The following PRKG1 variants were observed in gnomAD, a reference collection of about 807,000 sequenced individuals.
PRKG1 encodes the protein cGMP-dependent protein kinase 1.
A neutral mutation model predicts 88.1 loss-of-function variants in PRKG1; 35 were observed. That is an observed-to-expected ratio of 0.40 (90% CI 0.30 to 0.53). The LOEUF (loss-of-function observed/expected upper bound fraction) is 0.53, where lower values mean the gene tolerates loss of function less well. PRKG1 is among the 20% of genes least tolerant of loss of function. The pLI is 0.59. For synonymous variants in PRKG1, 303 were observed against 292.5 expected, an observed-to-expected ratio of 1.04 and a Z score of -0.37; for missense variants, 540 against 839.8, an observed-to-expected ratio of 0.64 and a Z score of 4.41.
At chr10:51,941,097 A>G (rs1842897621) in intron 5 of PRKG1, among the ~76,000 whole-genome samples, 1 of 151,834 alleles carries the variant, frequency 6.6e-6, no homozygotes, top group Non-Finnish European at 1.5e-5. Context: ...TCCTAATTTG[A>G]GGAACAATAA....
chr10:52,211,913 T>C (rs1025472695), intron 9 of PRKG1, among the ~76,000 whole-genome samples: 4 of 152,232 alleles, frequency 2.6e-5, no homozygotes, highest in East Asian at 1.9e-4. Context: ...ATAAATCTTA[T>C]ATTTCTAAAG....
At chr10:51,038,924 C>T (rs980755554) in intron 1 of PRKG1, among the ~76,000 whole-genome samples, 1 of 152,098 alleles carries the variant, frequency 6.6e-6, no homozygotes, top group Non-Finnish European at 1.5e-5. Flanking sequence ...TTAAAGTTTG[C>T]ACAATATGTA....
intron 3 of PRKG1, among the ~76,000 whole-genome samples, chr10:51,666,719 C>T (rs1840430774): frequency 7.2e-5 from 11 of 152,150 alleles, no homozygotes; most frequent in Admixed American, 7.2e-4. Flanking sequence ...TTCATGGTTC[C>T]TTGGCTAAAT....
chr10:51,753,350 A>G (rs1384843484), intron 3 of PRKG1, among the ~76,000 whole-genome samples: 1 of 151,894 alleles, frequency 6.6e-6, no homozygotes, highest in African/African-American at 2.4e-5. Context: ...ATTACTGTTT[A>G]ATTGCTTTTT....
rs545568752 is a variant in PRKG1, at chr10:52,021,442, A to C, written c.763-33042A>C. Among the ~76,000 whole-genome samples the C allele has an allele frequency of 2.0e-5, 3 of 152,298 alleles. No individual in the cohort carries two copies. In the South Asian group the frequency reaches 6.2e-4, roughly 32 times the overall value. ...TATCTTTTGAATGAATAGGATAGTA[A>C]ATATGTAATCATTAAAGACAGTAAG... is the stretch of plus-strand genomic sequence containing the variant. On this transcript the variant is annotated intron_variant, in intron 5 of 17. Coordinates refer to ENST00000373980, the MANE Select transcript of PRKG1 (RefSeq NM_006258.4).
chr10:51,950,881 A>G (rs978454927), intron 5 of PRKG1, among the ~76,000 whole-genome samples: 1 of 152,352 alleles, frequency 6.6e-6, no homozygotes, highest in Non-Finnish European at 1.5e-5. Context: ...TGAGCAAGGC[A>G]GGGAGTTTTA....
chr10:52,032,827 A>G (rs1845504485), intron 5 of PRKG1, among the ~76,000 whole-genome samples: 1 of 152,096 alleles, frequency 6.6e-6, no homozygotes, highest in Admixed American at 6.6e-5. Flanking sequence ...TATCTTCATA[A>G]AGTAGGTAAC....
At position 51,752,661 on chromosome 10, in the gene PRKG1, G is replaced by A. The variant is rs76472851; in HGVS notation, c.593-51924G>A. Among the ~76,000 whole-genome samples, 871 of 152,128 alleles carry A rather than the reference G, an allele frequency of 5.7e-3. 15 individuals are homozygous for A. Among genetic ancestry groups the A allele is most frequent in the African/African-American group, 0.019 (806 of 41,506 alleles). On this transcript the variant is annotated intron_variant, in intron 3 of 17. Transcript: ENST00000373980. ...TAACCATACCAGGCCTGTTTTTGTC[G>A]TTACCGTTTGTTTTGTTTCATTTGT...
chr10:51,066,821 C>T (rs1004454544), intron 1 of PRKG1, among the ~76,000 whole-genome samples: 2 of 151,932 alleles, frequency 1.3e-5, no homozygotes, highest in African/African-American at 2.4e-5. Context: ...CATTTTTGAC[C>T]ATGAAACCCT....
chr10:51,808,480 G>T (rs955670183), intron 4 of PRKG1, among the ~76,000 whole-genome samples: 3 of 152,080 alleles, frequency 2.0e-5, no homozygotes, highest in Non-Finnish European at 4.4e-5. Context: ...GCATGTGCCT[G>T]TGGTACCAGC....
At chr10:51,137,895 A>C (rs1845726304) in intron 1 of PRKG1, among the ~76,000 whole-genome samples, 1 of 152,194 alleles carries the variant, frequency 6.6e-6, no homozygotes, top group South Asian at 2.1e-4. Context: ...GAATGATGCA[A>C]GAGAAGGTTG....
chr10:52,005,460 G>T (rs1189013534), intron 5 of PRKG1, among the ~76,000 whole-genome samples: 1 of 152,076 alleles, frequency 6.6e-6, no homozygotes, highest in African/African-American at 2.4e-5. Flanking sequence ...GGACAGCAAA[G>T]TGTGTGACCC....
chr10:51,483,166 G>A (rs558185772), intron 3 of PRKG1, among the ~76,000 whole-genome samples: 89 of 151,962 alleles, frequency 5.9e-4, no homozygotes, highest in African/African-American at 2.0e-3. Context: ...GACTATAGGC[G>A]CCTGCCACCA....
At chr10:51,134,825 A>C (rs1003086125) in intron 1 of PRKG1, among the ~76,000 whole-genome samples, 1 of 152,180 alleles carries the variant, frequency 6.6e-6, no homozygotes, top group Non-Finnish European at 1.5e-5. Context: ...CACCACCCTG[A>C]AATATTGGCT....
chr10:51,356,218 A>C (rs1842362947), intron 2 of PRKG1, among the ~76,000 whole-genome samples: 2 of 152,160 alleles, frequency 1.3e-5, no homozygotes, highest in African/African-American at 4.8e-5. Context: ...GGTTGATGAA[A>C]ATACTGCCAG....
chr10:51,081,998 T>C (rs1321817198), intron 1 of PRKG1, among the ~76,000 whole-genome samples: 1 of 152,156 alleles, frequency 6.6e-6, no homozygotes, highest in African/African-American at 2.4e-5. Flanking sequence ...CAAATGATTC[T>C]CCAGCATCTG....
intron 7 of PRKG1, among the ~76,000 whole-genome samples, chr10:52,103,468 C>T (rs1194287737): frequency 6.6e-6 from 1 of 152,116 alleles, no homozygotes; most frequent in Admixed American, 6.5e-5. Flanking sequence ...TAATGATCCA[C>T]TTTCACTTAA....
rs796522217 is a variant in PRKG1, at chr10:52,266,784, CA to C, written c.1174-4557del. Among the ~76,000 whole-genome samples, 940 of 148,736 alleles carry C rather than the reference CA, an allele frequency of 6.3e-3. 11 individuals carry two copies. Among genetic ancestry groups the C allele is most frequent in the African/African-American group, 0.022 (897 of 40,602 alleles). The stretch of plus-strand genomic sequence containing the variant: ...TTGTCCAAGAGAACAAGCAAAAAAA[CA>C]AAAAAAAAGGTTGAGATTGAAAAAA... On this transcript the variant is annotated intron_variant, in intron 10 of 17. Transcript: ENST00000373980.
At position 50,991,685 on chromosome 10, in the gene PRKG1, C is replaced by A; in HGVS notation, c.266+41C>A. 1 of 1,385,948 alleles carries A rather than the reference C, an allele frequency of 7.2e-7. No homozygotes were observed. The highest frequency in any genetic ancestry group is 9.4e-7 in the Non-Finnish European group (1 of 1,063,312). 85.9% of individuals were successfully genotyped at this position (1,385,948 alleles called of 1,614,324 possible). A position where few individuals can be genotyped will look rare whatever the true frequency, so the allele number is the denominator to read the frequency against. On this transcript the variant is annotated intron_variant, in intron 1 of 17. Transcript: ENST00000401604. The surrounding 1 kb of genome is among the most constrained non-coding windows in gnomAD (Gnocchi z 4.5). ...GTGGGCCCGGGCGCTCGTCCCGGCCCGCGGCGCAGAGGCTGGGGGCTCTGG... is the reference window on the plus strand; with the variant it reads ...GTGGGCCCGGGCGCTCGTCCCGGCCAGCGGCGCAGAGGCTGGGGGCTCTGG...
Sources: gnomAD v4.1 joint callset for allele counts (sites outside exome capture counted in the v4.1 genomes callset) on GRCh38, gnomAD v4.1.1 for gene constraint, Gnocchi (gnomAD v3.1) non-coding constraint, MANE v1.5 for transcripts, NCBI Gene and HGNC (gene_info 2026-07-23, HGNC 2026-07-21) for gene names.